Variants in COBLL1 observed in about 807,000 individuals in gnomAD.
The protein encoded by COBLL1 is cordon-bleu protein-like 1.
Under a neutral mutation model 94.8 loss-of-function variants are expected in COBLL1, and 50 were observed. The observed-to-expected ratio is 0.53, with a 90% confidence interval of 0.42 to 0.67. The LOEUF is 0.67. Among genes scored for constraint, COBLL1 ranks in the 30% least tolerant of loss-of-function variants. The probability of loss-of-function intolerance (pLI) is 0.00; values close to 1 mark genes in which losing one functional copy is unlikely to be tolerated. For missense variants in COBLL1, 1,362 were observed against 1,348.7 expected, an observed-to-expected ratio of 1.01 and a Z score of -0.15; for synonymous variants, 448 against 473.8, an observed-to-expected ratio of 0.95 and a Z score of 0.71.
rs1685214435 is a variant in COBLL1 at position 164,822,515 on chromosome 2, C to T, written c.41+18641G>A. ...TCTCCCTGGCCCTTGCAATCCACTG[C>T]CCCTGACGAAGGTAGTATTCTCCAA... On this transcript the variant is annotated intron_variant, in intron 2 of 13. Transcript: ENST00000652658. 2.0e-5 allele frequency among the ~76,000 whole-genome samples: 3 copies of T among 152,050 alleles called. No individual in the cohort carries two copies. In the South Asian group the frequency reaches 6.2e-4, roughly 31 times the overall value.
chr2:164,765,505 T>C (rs1324878855), intron 2 of COBLL1, among the ~76,000 whole-genome samples: 1 of 152,196 alleles, frequency 6.6e-6, no homozygotes, highest in South Asian at 2.1e-4. Context: ...TAAATTTCCT[T>C]ATCTGTTACG....
intron 2 of COBLL1, among the ~76,000 whole-genome samples, chr2:164,805,650 T>G (rs1179600328): frequency 6.6e-6 from 1 of 151,958 alleles, no homozygotes; most frequent in African/African-American, 2.4e-5. Flanking sequence ...TCCATGTCTG[T>G]TCATGGCTTG....
chr2:164,778,815 G>A (rs1272307426), intron 2 of COBLL1, among the ~76,000 whole-genome samples: 2 of 152,100 alleles, frequency 1.3e-5, no homozygotes, highest in African/African-American at 4.8e-5. Context: ...GGTAGCACTG[G>A]GAAGAGAGGG....
intron 2 of COBLL1, among the ~76,000 whole-genome samples, chr2:164,757,534 T>C (rs572194175): frequency 2.6e-5 from 4 of 152,088 alleles, no homozygotes; most frequent in African/African-American, 9.6e-5. Context: ...AATGCACAAA[T>C]AGAAGTGAAT....
intron 7 of COBLL1, among the ~76,000 whole-genome samples, chr2:164,713,043 T>C (rs1684984950): frequency 6.6e-6 from 1 of 152,156 alleles, no homozygotes; most frequent in African/African-American, 2.4e-5. Context: ...AATAAAATGT[T>C]ATCTTTTGGT....
chr2:164,742,170 A>C (rs1686631767), intron 3 of COBLL1, among the ~76,000 whole-genome samples: 1 of 152,020 alleles, frequency 6.6e-6, no homozygotes, highest in Non-Finnish European at 1.5e-5. Context: ...TCTGATATTA[A>C]AGTCACTGAG....
upstream of COBLL1, chr2:164,841,967 T>C: frequency 6.5e-7 from 1 of 1,538,540 alleles, no homozygotes; most frequent in Non-Finnish European, 8.7e-7. This position sits in a 1 kb window ranked among gnomAD's most constrained non-coding sequence, Gnocchi z 5.5. Flanking sequence ...CCTGCCCCAT[T>C]TCCCTGCCCG....
At chr2:164,816,541 G>C (rs1483565814) in intron 2 of COBLL1, among the ~76,000 whole-genome samples, 1 of 151,956 alleles carries the variant, frequency 6.6e-6, no homozygotes, top group African/African-American at 2.4e-5. Flanking sequence ...GGCAAGAAGA[G>C]GTTATCAAAA....
intron 2 of COBLL1, among the ~76,000 whole-genome samples, chr2:164,807,768 A>G (rs971962619): frequency 5.9e-5 from 9 of 152,084 alleles, no homozygotes; most frequent in African/African-American, 2.2e-4. Context: ...TTTAATTATT[A>G]TTTCCAAGTG....
At chr2:164,780,419 G>C (rs1688676818) in intron 2 of COBLL1, among the ~76,000 whole-genome samples, 1 of 152,082 alleles carries the variant, frequency 6.6e-6, no homozygotes, top group African/African-American at 2.4e-5. Flanking sequence ...AAAATTATTG[G>C]CCAACTTAAA....
intron 2 of COBLL1, among the ~76,000 whole-genome samples, chr2:164,750,622 A>G (rs1001667938): frequency 5.3e-5 from 8 of 152,168 alleles, no homozygotes; most frequent in African/African-American, 1.9e-4. Context: ...ACTTTTAAAT[A>G]TGTATGCCAT....
intron 2 of COBLL1, among the ~76,000 whole-genome samples, chr2:164,839,381 C>G (rs1683475275): frequency 8.7e-6 from 1 of 114,426 alleles, no homozygotes; most frequent in Non-Finnish European, 1.8e-5. Context: ...TTGCTTGAAG[C>G]CTGGGGTTTC....
intron 1 of COBLL1, among the ~76,000 whole-genome samples, chr2:164,669,332 G>A (rs889468211): frequency 6.6e-6 from 1 of 152,288 alleles, no homozygotes; most frequent in East Asian, 1.9e-4. Flanking sequence ...TTGCTTCTCA[G>A]CCTTTTGGAT....
At chr2:164,670,672 T>C (rs997513165) in intron 1 of COBLL1, among the ~76,000 whole-genome samples, 1 of 152,118 alleles carries the variant, frequency 6.6e-6, no homozygotes, top group African/African-American at 2.4e-5. Flanking sequence ...CAGTTTTAAG[T>C]TGGGATGAGA....
At chr2:164,664,884 C>T (rs1481106827) in intron 2 of COBLL1, among the ~76,000 whole-genome samples, 1 of 152,088 alleles carries the variant, frequency 6.6e-6, no homozygotes. Context: ...ATTGAGTTAA[C>T]CTTTATGTCC....
chr2:164,819,579 G>A (rs2105358581), intron 2 of COBLL1, among the ~76,000 whole-genome samples: 1 of 152,158 alleles, frequency 6.6e-6, no homozygotes, highest in South Asian at 2.1e-4. Context: ...AAAGCTCAGA[G>A]ATGTCAGGAA....
chr2:164,722,093 G>T lies in COBLL1; in HGVS notation c.978C>A (p.Ser326Arg). The change falls in exon 7 of 14, where the codon AGC becomes AGA. Residue 326 changes from serine (S) to arginine (R), a missense_variant. Coordinates refer to ENST00000652658, the MANE Select transcript of COBLL1 (RefSeq NM_001365672.2). ...TACACACCTTATCTGTCTCATCCACGCTCATGGATTTCACTATACAAGAAG... is the reference window on the plus strand; with the variant it reads ...TACACACCTTATCTGTCTCATCCACTCTCATGGATTTCACTATACAAGAAG... The part of the protein sequence containing the change: ...RPASCIVKSM[S>R]VDETDKSPCE... The T allele has an allele frequency of 6.2e-7, 1 of 1,603,604 alleles. No homozygotes were observed.
intron 2 of COBLL1, among the ~76,000 whole-genome samples, chr2:164,763,949 T>C (rs1262528093): frequency 6.6e-6 from 1 of 152,196 alleles, no homozygotes; most frequent in Non-Finnish European, 1.5e-5. Flanking sequence ...CAGGCTGGAG[T>C]GCAGGGGCGT....
rs868454569 is a variant in COBLL1, at chr2:164,793,092, T to G, written c.41+48064A>C. Among the ~76,000 whole-genome samples, 35 of 152,302 alleles carry G rather than the reference T, an allele frequency of 2.3e-4. No homozygotes were observed. The Middle Eastern group carries it at 0.027, about 118-fold the overall frequency. ...AAAAACAGGCCTGAGATAATCAGCC[T>G]TTGGAATCCTACCAAAAGGCAGAAA... is the stretch of plus-strand genomic sequence containing the variant. On this transcript the variant is annotated intron_variant, in intron 2 of 13. Coordinates refer to ENST00000652658, the MANE Select transcript of COBLL1 (RefSeq NM_001365672.2).
Sources: allele counts gnomAD v4.1 joint callset (sites outside exome capture counted in the v4.1 genomes callset), GRCh38; gene constraint gnomAD v4.1.1; non-coding constraint Gnocchi (gnomAD v3.1); transcripts MANE v1.5; gene names NCBI Gene and HGNC (gene_info 2026-07-23, HGNC 2026-07-21).